The following PMEPA1 variants were observed in gnomAD, a reference collection of about 807,000 sequenced individuals.
PMEPA1 encodes prostate transmembrane protein, androgen induced 1, also known as protein TMEPAI.
In PMEPA1, 11 loss-of-function variants were observed where a neutral mutation model predicts 23.0. That is an observed-to-expected ratio of 0.48 (90% CI 0.30 to 0.79). The LOEUF (loss-of-function observed/expected upper bound fraction) is 0.79, where lower values mean the gene tolerates loss of function less well. Ranked by LOEUF, PMEPA1 falls within the 30% of genes least tolerant of loss-of-function variation. PMEPA1 has a pLI of 0.06. For missense variants in PMEPA1, 377 were observed against 390.9 expected (o/e 0.96, Z 0.30); for synonymous variants, 204 against 166.4 (o/e 1.23, Z -1.74).
At chr20:57,672,882 C>T (rs1308679468) in intron 1 of PMEPA1, among the ~76,000 whole-genome samples, 2 of 152,202 alleles carry the variant, frequency 1.3e-5, no homozygotes, top group Non-Finnish European at 2.9e-5. Flanking sequence ...GGAAGTGATT[C>T]GTTCACTCTC....
At chr20:57,675,102 C>T (rs1477994666) in intron 1 of PMEPA1, among the ~76,000 whole-genome samples, 1 of 152,168 alleles carries the variant, frequency 6.6e-6, no homozygotes, top group Non-Finnish European at 1.5e-5. Context: ...ATTATCATCC[C>T]ATTTTTGGGA....
In PMEPA1 at chr20:57,651,854, CTTTTTTT is replaced by C. The variant is rs571898181; in HGVS notation, c.*192_*198del. ...AACGTGGTTTTTTTTTTTCTTTTTT[CTTTTTTT>C]TTTTGCAAGCTCTCTTAGCTTGTGC... On this transcript the variant is annotated 3_prime_UTR_variant, in exon 4 of 4. Transcript: ENST00000341744. 150 of 264,088 alleles carry C rather than the reference CTTTTTTT, an allele frequency of 5.7e-4. 1 individual carries two copies. The highest frequency in any genetic ancestry group is 2.3e-3 in the African/African-American group (93 of 41,130). 16.4% of individuals were successfully genotyped at this position (264,088 alleles called of 1,614,324 possible).
At chr20:57,659,721 T>A (rs1355404012) in intron 1 of PMEPA1, 24 bp from the exon 2 acceptor site, 1 of 1,553,538 alleles carries the variant, frequency 6.4e-7, no homozygotes, top group Non-Finnish European at 8.7e-7. Flanking sequence ...GAGGGACACG[T>A]GAGACCCTGG....
chr20:57,672,883 G>C (rs552064590), intron 1 of PMEPA1, among the ~76,000 whole-genome samples: 1 of 152,194 alleles, frequency 6.6e-6, no homozygotes, highest in Non-Finnish European at 1.5e-5. Context: ...GAAGTGATTC[G>C]TTCACTCTCT....
At chr20:57,690,582 G>A (rs1039963548) in intron 1 of PMEPA1, 5 of 1,248,206 alleles carry the variant, frequency 4.0e-6, no homozygotes, top group East Asian at 5.6e-5. Context: ...GCTATGGCGG[G>A]TGTAGAGGGT....
chr20:57,653,002 G>A (rs1352531198), intron 3 of PMEPA1, 31 bp downstream of exon 3: 3 of 1,571,094 alleles, frequency 1.9e-6, no homozygotes, highest in Middle Eastern at 1.7e-4. Context: ...TGGGATGGGG[G>A]TGTTGGAGGG....
At chr20:57,680,475 G>T (rs1174319411) in intron 1 of PMEPA1, among the ~76,000 whole-genome samples, 1 of 152,230 alleles carries the variant, frequency 6.6e-6, no homozygotes, top group Non-Finnish European at 1.5e-5. Flanking sequence ...CACGCACAGG[G>T]AAGTCCCCCA....
At position 57,656,530 on chromosome 20, in the gene PMEPA1, G is replaced by A. The variant is rs377739599; in HGVS notation, c.264+3013C>T. On this transcript the variant is annotated intron_variant, in intron 2 of 3. Coordinates refer to ENST00000341744, the MANE Select transcript of PMEPA1 (RefSeq NM_020182.5). This position sits in a 1 kb window ranked among gnomAD's most constrained non-coding sequence, Gnocchi z 4.7. ...AGTCTGCGCCACTCCGTGGCTGGGC[G>A]GTCACTGCAGTGACGTTCTGCATCA... Among the ~76,000 whole-genome samples the A allele has an allele frequency of 6.3e-4, 96 of 152,244 alleles. No homozygotes were observed. The highest frequency in any genetic ancestry group is 2.0e-3 in the African/African-American group (83 of 41,576).
chr20:57,692,940 G>GT (rs1469366999), intron 1 of PMEPA1, among the ~76,000 whole-genome samples: 3 of 152,222 alleles, frequency 2.0e-5, no homozygotes, highest in African/African-American at 7.2e-5. Context: ...CCTGCTGTGG[G>GT]TCAAGGTGTC....
In PMEPA1 at chr20:57,656,078, C is replaced by T. The variant is rs1313881574; in HGVS notation, c.265-2992G>A. 1.3e-5 allele frequency among the ~76,000 whole-genome samples: 2 copies of T among 152,008 alleles called. No individual in the cohort carries two copies. The highest frequency in any genetic ancestry group is 6.5e-5 in the Admixed American group (1 of 15,288). ...CTGCCCATTCTTCCCCTGGAGTCCC[C>T]AGGAACATCCAAGGGGACGGGATGG... is the stretch of plus-strand genomic sequence containing the variant. On this transcript the variant is annotated intron_variant, in intron 2 of 3. Coordinates refer to ENST00000341744, the MANE Select transcript of PMEPA1 (RefSeq NM_020182.5). This position sits in a 1 kb window ranked among gnomAD's most constrained non-coding sequence, Gnocchi z 4.7.
At chr20:57,696,726 T>C (rs552308585) in intron 1 of PMEPA1, among the ~76,000 whole-genome samples, 2 of 152,298 alleles carry the variant, frequency 1.3e-5, no homozygotes, top group African/African-American at 4.8e-5. Flanking sequence ...AACCCCACCC[T>C]CAACTCCGCT....
Position 57,682,354 on chromosome 20 carries a change from G to C in PMEPA1, c.110-22657C>G, listed in dbSNP as rs1367257875. ...TGTGACCTTGGGCAAGCTGTTCTCT[G>C]AGCCTCGGTGGTTTCATCCATAAAA... On this transcript the variant is annotated intron_variant, in intron 1 of 3. Transcript: ENST00000341744. The surrounding 1 kb of genome is among the most constrained non-coding windows in gnomAD (Gnocchi z 4.4). 6.6e-6 allele frequency among the ~76,000 whole-genome samples: 1 copy of C among 152,202 alleles called. No homozygotes were observed. Among genetic ancestry groups the C allele is most frequent in the Non-Finnish European group, 1.5e-5 (1 of 68,042 alleles).
intron 1 of PMEPA1, among the ~76,000 whole-genome samples, chr20:57,687,920 C>CT (rs1348814821): frequency 6.6e-6 from 1 of 152,018 alleles, no homozygotes; most frequent in Non-Finnish European, 1.5e-5. Flanking sequence ...TATGGGTTCC[C>CT]TGTCCAGGGA....
At chr20:57,692,981 G>A (rs942122118) in intron 1 of PMEPA1, among the ~76,000 whole-genome samples, 1 of 152,240 alleles carries the variant, frequency 6.6e-6, no homozygotes, top group African/African-American at 2.4e-5. Flanking sequence ...AACCTAATCA[G>A]AATTAACCTG....
In PMEPA1 at chr20:57,655,519, T is replaced by C. The variant is rs2071314569; in HGVS notation, c.265-2433A>G. ...GTTGCTGGGTGACCCGTGCAAGTCA[T>C]CTTTGTGGAATTAGGTTCCAAAGTG... On this transcript the variant is annotated intron_variant, in intron 2 of 3. Coordinates refer to ENST00000341744, the MANE Select transcript of PMEPA1 (RefSeq NM_020182.5). The surrounding 1 kb of genome is among the most constrained non-coding windows in gnomAD (Gnocchi z 4.2). Among the ~76,000 whole-genome samples, 1 of 152,236 alleles carries C rather than the reference T, an allele frequency of 6.6e-6. No homozygotes were observed. The highest frequency in any genetic ancestry group is 2.4e-5 in the African/African-American group (1 of 41,452).
chr20:57,668,590 C>T (rs1306206525), intron 1 of PMEPA1, among the ~76,000 whole-genome samples: 1 of 152,200 alleles, frequency 6.6e-6, no homozygotes, highest in Non-Finnish European at 1.5e-5. Context: ...CCCGGTCCAG[C>T]GCCATCACTT....
chr20:57,674,267 C>T (rs1457423214), intron 1 of PMEPA1, among the ~76,000 whole-genome samples: 1 of 152,192 alleles, frequency 6.6e-6, no homozygotes, highest in Admixed American at 6.5e-5. Flanking sequence ...ATTCTCTCCC[C>T]CCTCCTTCCA....
chr20:57,702,421 G>A (rs1339775252), intron 1 of PMEPA1, among the ~76,000 whole-genome samples: 1 of 152,168 alleles, frequency 6.6e-6, no homozygotes, highest in Non-Finnish European at 1.5e-5. Context: ...TGTGTTTTGG[G>A]GAGACATTTC....
chr20:57,672,204 C>T (rs1033392234), intron 1 of PMEPA1, among the ~76,000 whole-genome samples: 3 of 152,288 alleles, frequency 2.0e-5, no homozygotes, highest in African/African-American at 4.8e-5. Flanking sequence ...CGCACGCGCA[C>T]GTGTGTGCCT....
Sources: allele counts gnomAD v4.1 joint callset (sites outside exome capture counted in the v4.1 genomes callset), GRCh38; gene constraint gnomAD v4.1.1; non-coding constraint Gnocchi (gnomAD v3.1); transcripts MANE v1.5; gene names NCBI Gene and HGNC (gene_info 2026-07-23, HGNC 2026-07-21).